The following AGPAT3 variants were observed in gnomAD, a reference collection of about 807,000 sequenced individuals.
AGPAT3 encodes 1-acylglycerol-3-phosphate O-acyltransferase 3.
A neutral mutation model predicts 47.3 loss-of-function variants in AGPAT3; 5 were observed. The ratio of observed to expected loss-of-function variants is 0.11; its 90% CI spans 0.06 to 0.22. The LOEUF (loss-of-function observed/expected upper bound fraction) is 0.22, where lower values mean the gene tolerates loss of function less well. Among genes scored for constraint, AGPAT3 ranks in the 10% least tolerant of loss-of-function variants. The pLI, the probability that AGPAT3 is intolerant of heterozygous loss-of-function variation, is 1.00. For synonymous variants in AGPAT3, 212 were observed against 208.3 expected (o/e 1.02, Z -0.15); for missense variants, 315 against 493.0 (o/e 0.64, Z 3.42).
chr21:43,890,237 C>A (rs1426817466), intron 1 of AGPAT3, among the ~76,000 whole-genome samples: 3 of 152,058 alleles, frequency 2.0e-5, no homozygotes, highest in Admixed American at 1.3e-4. Context: ...GGCCCCTCCC[C>A]CTCTGTCTTC....
At chr21:43,868,694 G>C (rs773543546) in intron 1 of AGPAT3, among the ~76,000 whole-genome samples, 2 of 152,216 alleles carry the variant, frequency 1.3e-5, no homozygotes, top group Admixed American at 1.3e-4. Flanking sequence ...TACCGGCGCT[G>C]CAGCCACGCT....
intron 1 of AGPAT3, among the ~76,000 whole-genome samples, chr21:43,867,939 C>T (rs1188429682): frequency 1.9e-4 from 29 of 152,156 alleles, no homozygotes; most frequent in Admixed American, 1.9e-3. Context: ...GACCACGAGG[C>T]GTCTGTCCTT....
At position 43,934,643 on chromosome 21, in the gene AGPAT3, G is replaced by T. The variant is rs2087371132; in HGVS notation, c.-48-24991G>T. ...ACAGCGGGAACCTGTGGAGGGGCGG[G>T]CTCAAGCCCTGGTCGTGAGCAGGAT... On this transcript the variant is annotated intron_variant, in intron 2 of 9. Coordinates refer to ENST00000291572, the MANE Select transcript of AGPAT3 (RefSeq NM_020132.5). This position sits in a 1 kb window ranked among gnomAD's most constrained non-coding sequence, Gnocchi z 4.7. Among the ~76,000 whole-genome samples the T allele has an allele frequency of 6.6e-6, 1 of 152,188 alleles. No individual in the cohort carries two copies.
intron 1 of AGPAT3, among the ~76,000 whole-genome samples, chr21:43,883,629 T>G (rs1381646684): frequency 2.6e-5 from 4 of 152,216 alleles, no homozygotes; most frequent in Non-Finnish European, 5.9e-5. Flanking sequence ...AGTTTCGCTC[T>G]GTTGCCCAGG....
At position 43,971,495 on chromosome 21, in the gene AGPAT3, G is replaced by C; in HGVS notation, c.767+5G>C. On this transcript the variant is annotated splice_donor_5th_base_variant and intron_variant, in intron 7 of 9. Transcript: ENST00000291572. ...CGAGGCGGACATGTGCGTGAGGTGA[G>C]GCCAGACCCTGTGGCTCTCGCGCCG... 6.2e-7 allele frequency: 1 copy of C among 1,613,988 alleles called. No homozygotes were observed. The highest frequency in any genetic ancestry group is 8.5e-7 in the Non-Finnish European group (1 of 1,179,840).
chr21:43,917,823 TG>T (rs199989855), intron 2 of AGPAT3, among the ~76,000 whole-genome samples: 2 of 89,664 alleles, frequency 2.2e-5, no homozygotes, highest in South Asian at 4.4e-4. Flanking sequence ...GTGGGTGTTG[TG>T]GGGGTTGTGG....
At chr21:43,913,566 A>G (rs1480611506) in intron 2 of AGPAT3, among the ~76,000 whole-genome samples, 1 of 152,214 alleles carries the variant, frequency 6.6e-6, no homozygotes, top group Non-Finnish European at 1.5e-5. Context: ...AGCCTGGGTG[A>G]CAGAGCGAGA....
intron 2 of AGPAT3, among the ~76,000 whole-genome samples, chr21:43,944,205 G>A (rs905834553): frequency 2.0e-5 from 3 of 152,240 alleles, no homozygotes; most frequent in South Asian, 2.1e-4. Flanking sequence ...TCCCCACCTC[G>A]GAAATGCAGG....
At chr21:43,891,291 C>T (rs530406206) in intron 1 of AGPAT3, among the ~76,000 whole-genome samples, 12 of 152,298 alleles carry the variant, frequency 7.9e-5, no homozygotes, top group Middle Eastern at 3.4e-3. Flanking sequence ...AGCATCTTCA[C>T]TAGGAGTAGG....
intron 2 of AGPAT3, among the ~76,000 whole-genome samples, chr21:43,924,318 C>T (rs1255413431): frequency 6.6e-6 from 1 of 152,076 alleles, no homozygotes; most frequent in African/African-American, 2.4e-5. Flanking sequence ...AGCCATCGCG[C>T]CGAGCCAGGA....
chr21:43,952,558 G>C lies in AGPAT3; in HGVS notation c.-48-7076G>C, dbSNP rs771298765. ...CTGATCTAAGAAGGTGCACACCCCGGTAGCTTGTGCAGGGGCCAGGACAAA... is the reference window on the plus strand; with the variant it reads ...CTGATCTAAGAAGGTGCACACCCCGCTAGCTTGTGCAGGGGCCAGGACAAA... On this transcript the variant is annotated intron_variant, in intron 2 of 9. Transcript: ENST00000291572. This position sits in a 1 kb window ranked among gnomAD's most constrained non-coding sequence, Gnocchi z 5.6. 1.3e-5 allele frequency among the ~76,000 whole-genome samples: 2 copies of C among 152,182 alleles called. No individual in the cohort carries two copies. The highest frequency in any genetic ancestry group is 1.3e-4 in the Admixed American group (2 of 15,286).
intron 8 of AGPAT3, among the ~76,000 whole-genome samples, chr21:43,979,089 G>A (rs2089737042): frequency 6.6e-6 from 1 of 152,090 alleles, no homozygotes; most frequent in African/African-American, 2.4e-5. Context: ...CCTGAGGTCA[G>A]GAGTTCAAGA....
chr21:43,901,361 A>G (rs1396009777), intron 1 of AGPAT3, among the ~76,000 whole-genome samples: 1 of 151,458 alleles, frequency 6.6e-6, no homozygotes, highest in Admixed American at 6.6e-5. Flanking sequence ...AGAGAAGGGA[A>G]GGGAACTATA....
At chr21:43,881,880 C>T (rs1296878730) in intron 1 of AGPAT3, among the ~76,000 whole-genome samples, 1 of 152,382 alleles carries the variant, frequency 6.6e-6, no homozygotes, top group South Asian at 2.1e-4. Flanking sequence ...TGGTCTCGAA[C>T]TCCTGACCTC....
intron 1 of AGPAT3, among the ~76,000 whole-genome samples, chr21:43,891,018 G>A (rs1223668022): frequency 6.6e-6 from 1 of 152,216 alleles, no homozygotes; most frequent in Non-Finnish European, 1.5e-5. Flanking sequence ...GATTACAGGT[G>A]TGAGCCATAA....
At chr21:43,927,955 A>G (rs1049127782) in intron 2 of AGPAT3, among the ~76,000 whole-genome samples, 5 of 152,140 alleles carry the variant, frequency 3.3e-5, no homozygotes, top group Admixed American at 2.0e-4. Flanking sequence ...CTTGCCCCAA[A>G]TTCTGGAACT....
At chr21:43,979,282 G>C (rs940007836) in intron 8 of AGPAT3, among the ~76,000 whole-genome samples, 1 of 121,374 alleles carries the variant, frequency 8.2e-6, no homozygotes, top group Non-Finnish European at 1.6e-5. Flanking sequence ...CTGGGCAACA[G>C]AGTGAGACTC....
rs1407335902 is a variant in AGPAT3, at chr21:43,955,220, GTGTT to G, written c.-48-4410_-48-4407del. ...GCTGGGCCAGATGCCATGGGATTCT[GTGTT>G]TGTGAACCTCTAGAAAAGGTAAATT... On this transcript the variant is annotated intron_variant, in intron 2 of 9. Coordinates refer to ENST00000291572, the MANE Select transcript of AGPAT3 (RefSeq NM_020132.5). The surrounding 1 kb of genome is among the most constrained non-coding windows in gnomAD (Gnocchi z 4.1). The G allele has an allele frequency of 4.8e-6, 6 of 1,238,222 alleles. No individual in the cohort carries two copies. The highest frequency in any genetic ancestry group is 4.7e-5 in the African/African-American group (3 of 64,220). The allele number at this position is 1,238,222 out of a possible 1,614,324, so 76.7% of individuals were successfully genotyped here. A position where few individuals can be genotyped will look rare whatever the true frequency, so the allele number is the denominator to read the frequency against.
intron 5 of AGPAT3, 43 bp downstream of exon 5, chr21:43,969,322 G>C (rs781479821): frequency 1.6e-5 from 26 of 1,607,114 alleles, no homozygotes; most frequent in Non-Finnish European, 2.1e-5. Context: ...GCCTGGAGGA[G>C]GCCACGCCAA....
Sources: allele counts gnomAD v4.1 joint callset (sites outside exome capture counted in the v4.1 genomes callset), GRCh38; gene constraint gnomAD v4.1.1; non-coding constraint Gnocchi (gnomAD v3.1); transcripts MANE v1.5; gene names NCBI Gene and HGNC (gene_info 2026-07-23, HGNC 2026-07-21).